SORCS2: variants seen among roughly 807,000 people sequenced by gnomAD.
SORCS2 encodes VPS10 domain-containing receptor SorCS2.
SORCS2 carries 100 observed loss-of-function variants against 141.6 expected under a neutral mutation model. The ratio of observed to expected loss-of-function variants is 0.71; its 90% CI spans 0.60 to 0.83. The LOEUF (loss-of-function observed/expected upper bound fraction) is 0.83. Ranked by LOEUF, SORCS2 falls within the 40% of genes least tolerant of loss-of-function variation. The pLI, the probability that SORCS2 is intolerant of heterozygous loss-of-function variation, is 0.00. For synonymous variants in SORCS2, 789 were observed against 676.9 expected (o/e 1.17, Z -2.57); for missense variants, 1,646 against 1,560.2 (o/e 1.05, Z -0.93).
chr4:7,450,934 G>A (rs1560295197), intron 2 of SORCS2, among the ~76,000 whole-genome samples: 2 of 152,190 alleles, frequency 1.3e-5, no homozygotes, highest in East Asian at 3.9e-4. Flanking sequence ...GTGAGGGAAT[G>A]AGTGAGTAAA....
intron 1 of SORCS2, among the ~76,000 whole-genome samples, chr4:7,277,257 G>T (rs1420299873): frequency 6.6e-6 from 1 of 152,188 alleles, no homozygotes; most frequent in Non-Finnish European, 1.5e-5. Flanking sequence ...AAAGAAGGGG[G>T]CTCATTTCTT....
chr4:7,403,037 A>G (rs1384680280), intron 2 of SORCS2, among the ~76,000 whole-genome samples: 1 of 151,860 alleles, frequency 6.6e-6, no homozygotes, highest in Non-Finnish European at 1.5e-5. Context: ...TTCTTTCCCA[A>G]CACCTTCTAA....
intron 1 of SORCS2, among the ~76,000 whole-genome samples, chr4:7,207,224 G>T (rs1448761593): frequency 6.6e-6 from 1 of 152,162 alleles, no homozygotes; most frequent in Non-Finnish European, 1.5e-5. Flanking sequence ...TTCATTCTTT[G>T]TCTGTGAATG....
chr4:7,686,514 G>A (rs559163753), intron 10 of SORCS2, among the ~76,000 whole-genome samples: 177 of 151,468 alleles, frequency 1.2e-3, no homozygotes, highest in Non-Finnish European at 2.0e-3. Flanking sequence ...GCAGGAACCC[G>A]GGCCCACCTC....
intron 1 of SORCS2, among the ~76,000 whole-genome samples, chr4:7,370,645 G>A (rs372927830): frequency 3.4e-4 from 52 of 152,312 alleles, no homozygotes; most frequent in African/African-American, 9.9e-4. Context: ...TTCCCCTGGC[G>A]CGGCCCCTGC....
At chr4:7,727,713 T>C (rs1241867286) in intron 21 of SORCS2, among the ~76,000 whole-genome samples, 1 of 152,188 alleles carries the variant, frequency 6.6e-6, no homozygotes, top group African/African-American at 2.4e-5. Flanking sequence ...ACTTGTCCCT[T>C]GAGCCCGTCA....
intron 10 of SORCS2, among the ~76,000 whole-genome samples, chr4:7,686,855 C>A (rs1012582750): frequency 2.0e-5 from 3 of 152,238 alleles, no homozygotes; most frequent in Non-Finnish European, 4.4e-5. Flanking sequence ...CAGCAGGCCG[C>A]AAGGCGAATG....
chr4:7,280,221 C>G (rs1452841204), intron 1 of SORCS2, among the ~76,000 whole-genome samples: 1 of 152,104 alleles, frequency 6.6e-6, no homozygotes, highest in Non-Finnish European at 1.5e-5. Context: ...CACAGAGAAA[C>G]AGGGACTCAA....
At chr4:7,248,744 T>C (rs2108802059) in intron 1 of SORCS2, among the ~76,000 whole-genome samples, 1 of 152,366 alleles carries the variant, frequency 6.6e-6, no homozygotes, top group Middle Eastern at 3.4e-3. Context: ...AATGCTTTAA[T>C]CAGACTTTGG....
chr4:7,737,271 G>GA, intron 26 of SORCS2, 99 bp downstream of exon 26: 1 of 1,502,000 alleles, frequency 6.7e-7, no homozygotes, highest in South Asian at 1.3e-5. Context: ...CTGGGCCGCT[G>GA]GGGCCAGCAA....
intron 1 of SORCS2, among the ~76,000 whole-genome samples, chr4:7,196,369 G>A (rs1253617857): frequency 6.6e-6 from 1 of 152,094 alleles, no homozygotes; most frequent in East Asian, 1.9e-4. Context: ...TGGGGTTGCG[G>A]TTTCATGTTA....
chr4:7,269,307 C>T (rs756421720), intron 1 of SORCS2, among the ~76,000 whole-genome samples: 3 of 152,198 alleles, frequency 2.0e-5, no homozygotes, highest in South Asian at 2.1e-4. Context: ...AGGGAGCTGC[C>T]GTTGTGCAGG....
At chr4:7,271,108 T>C (rs1577342422) in intron 1 of SORCS2, among the ~76,000 whole-genome samples, 2 of 152,192 alleles carry the variant, frequency 1.3e-5, no homozygotes. Context: ...TGGAGGTAGG[T>C]GGTACTTGGA....
chr4:7,543,930 A>AT, intron 3 of SORCS2, among the ~76,000 whole-genome samples: 1 of 105,658 alleles, frequency 9.5e-6, no homozygotes, highest in African/African-American at 4.2e-5. Flanking sequence ...CCACCCATCC[A>AT]CCCATCCACC....
At chr4:7,705,449 A>G (rs539910701) in intron 14 of SORCS2, among the ~76,000 whole-genome samples, 3 of 152,374 alleles carry the variant, frequency 2.0e-5, no homozygotes, top group South Asian at 4.1e-4. Flanking sequence ...CTGCCGCGAC[A>G]GCCCACAGCT....
chr4:7,740,097 C>T (rs1712537491), intron 26 of SORCS2, 103 bp from the exon 27 acceptor site: 4 of 940,552 alleles, frequency 4.3e-6, no homozygotes, highest in South Asian at 1.4e-5. Flanking sequence ...GCCCACTGCA[C>T]GTTGGCTCGA....
chr4:7,562,284 G>A (rs560380413), intron 3 of SORCS2, among the ~76,000 whole-genome samples: 41 of 152,220 alleles, frequency 2.7e-4, no homozygotes, highest in Admixed American at 4.6e-4. Flanking sequence ...CTGAGGAAGT[G>A]GTGCATGAGC....
intron 2 of SORCS2, among the ~76,000 whole-genome samples, chr4:7,451,896 A>G (rs922241783): frequency 1.3e-5 from 2 of 152,176 alleles, no homozygotes; most frequent in Non-Finnish European, 2.9e-5. Context: ...CCTGGCAGGC[A>G]GCACCTTCCT....
intron 1 of SORCS2, among the ~76,000 whole-genome samples, chr4:7,355,820 CA>C (rs1721218200): frequency 6.6e-6 from 1 of 152,242 alleles, no homozygotes; most frequent in East Asian, 1.9e-4. Context: ...TCTTTGCTTC[CA>C]AATGTGCTGT....
Sources: gnomAD v4.1 joint callset for allele counts (sites outside exome capture counted in the v4.1 genomes callset) on GRCh38, gnomAD v4.1.1 for gene constraint, MANE v1.5 for transcripts, NCBI Gene and HGNC (gene_info 2026-07-23, HGNC 2026-07-21) for gene names.